The following GOPC variants were observed in gnomAD, a reference collection of about 807,000 sequenced individuals.
GOPC encodes golgi associated PDZ and coiled-coil motif containing.
A neutral mutation model predicts 51.2 loss-of-function variants in GOPC; 32 were observed. That is an observed-to-expected ratio of 0.63 (90% CI 0.47 to 0.84). The LOEUF (loss-of-function observed/expected upper bound fraction) is 0.84. GOPC is among the 40% of genes least tolerant of loss of function. GOPC has a pLI of 0.00. For missense variants in GOPC, 441 were observed against 555.5 expected (o/e 0.79, Z 2.07); for synonymous variants, 190 against 205.1 (o/e 0.93, Z 0.63).
intron 1 of GOPC, among the ~76,000 whole-genome samples, chr6:117,583,889 G>A (rs1671962807): frequency 6.6e-6 from 1 of 152,108 alleles, no homozygotes; most frequent in Admixed American, 6.5e-5. Flanking sequence ...TGATCATCAA[G>A]CTTATTTCAC....
chr6:117,563,213 G>T lies in GOPC; in HGVS notation c.*41C>A. On this transcript the variant is annotated 3_prime_UTR_variant, in exon 9 of 9. Coordinates refer to ENST00000368498, the MANE Select transcript of GOPC (RefSeq NM_020399.4). ...CATCTTCCCCAGTGCCCCAAATTCAGAATAGTCTGATTAACAATCTTGTCT... is the reference window on the plus strand; with the variant it reads ...CATCTTCCCCAGTGCCCCAAATTCATAATAGTCTGATTAACAATCTTGTCT... 3 of 1,588,868 alleles carry T rather than the reference G, an allele frequency of 1.9e-6. No individual in the cohort carries two copies. Among genetic ancestry groups the T allele is most frequent in the Non-Finnish European group, 1.7e-6 (2 of 1,160,112 alleles).
chr6:117,590,433 G>T (rs192719600), intron 1 of GOPC, among the ~76,000 whole-genome samples: 3 of 151,826 alleles, frequency 2.0e-5, no homozygotes, highest in Non-Finnish European at 2.9e-5. Context: ...TTAGCTGGGC[G>T]TGGTGGTATA....
intron 3 of GOPC, among the ~76,000 whole-genome samples, chr6:117,576,614 T>A (rs1242938665): frequency 6.6e-6 from 1 of 152,134 alleles, no homozygotes; most frequent in East Asian, 1.9e-4. Context: ...TTATACTACA[T>A]TAATGAAATG....
At chr6:117,601,963 C>T in intron 1 of GOPC, 41 bp downstream of exon 1, 1 of 1,602,714 alleles carries the variant, frequency 6.2e-7, no homozygotes, top group Non-Finnish European at 8.5e-7. Flanking sequence ...CACCGGGCAG[C>T]CTGGGGTTGG....
intron 6 of GOPC, among the ~76,000 whole-genome samples, chr6:117,570,153 T>C (rs1779779298): frequency 6.6e-6 from 1 of 151,962 alleles, no homozygotes; most frequent in Non-Finnish European, 1.5e-5. Context: ...CTCTAGCTTA[T>C]ATCATTGTTG....
intron 1 of GOPC, among the ~76,000 whole-genome samples, chr6:117,592,890 C>T (rs146889823): frequency 1.3e-5 from 2 of 152,116 alleles, no homozygotes; most frequent in Non-Finnish European, 2.9e-5. Flanking sequence ...ATTCTCCTTC[C>T]TTAGTCTTCA....
At chr6:117,565,923 G>A (rs1460738491) in intron 8 of GOPC, among the ~76,000 whole-genome samples, 2 of 152,128 alleles carry the variant, frequency 1.3e-5, no homozygotes, top group Non-Finnish European at 2.9e-5. Context: ...TGTTCAGTGT[G>A]CAGAGTAAGT....
intron 1 of GOPC, among the ~76,000 whole-genome samples, chr6:117,579,891 A>G (rs766641237): frequency 7.9e-5 from 12 of 152,132 alleles, no homozygotes; most frequent in Non-Finnish European, 1.6e-4. Flanking sequence ...ATCATAATTT[A>G]TGCCCTTGAC....
Position 117,562,876 on chromosome 6 carries a change from T to C in GOPC, c.*378A>G, listed in dbSNP as rs1055761637. 1.3e-5 allele frequency: 3 copies of C among 227,448 alleles called. No homozygotes were observed. Among genetic ancestry groups the C allele is most frequent in the Middle Eastern group, 1.3e-3 (1 of 754 alleles). The allele number at this position is 227,448 out of a possible 1,614,324, so 14.1% of individuals were successfully genotyped here. On this transcript the variant is annotated 3_prime_UTR_variant, in exon 9 of 9. Coordinates refer to ENST00000368498, the MANE Select transcript of GOPC (RefSeq NM_020399.4). Reference sequence around the variant, plus strand: ...ATATAAAATATGAATTCACTTACTCTCTGTATTTTAAAGGGTACTCCTTAT... The same window carrying C: ...ATATAAAATATGAATTCACTTACTCCCTGTATTTTAAAGGGTACTCCTTAT...
At chr6:117,600,000 GA>G (rs987763772) in intron 1 of GOPC, among the ~76,000 whole-genome samples, 3 of 152,146 alleles carry the variant, frequency 2.0e-5, no homozygotes, top group African/African-American at 4.8e-5. Context: ...TAAATGATAT[GA>G]AATTTCTCGT....
Position 117,602,403 on chromosome 6 carries a change from C to T in GOPC, c.-115G>A. The T allele has an allele frequency of 1.0e-6, 1 of 986,668 alleles. No individual in the cohort carries two copies. Among genetic ancestry groups the T allele is most frequent in the Non-Finnish European group, 1.4e-6 (1 of 690,306 alleles). The allele number at this position is 986,668 out of a possible 1,614,324, so 61.1% of individuals were successfully genotyped here. ...CGCGCGGGCACACTCCGTCACCTCC[C>T]TTCACCTCGCGCCGTTAACGCCAGC... On this transcript the variant is annotated 5_prime_UTR_variant, in exon 1 of 9. Transcript: ENST00000368498.
Position 117,569,641 on chromosome 6 carries a change from A to G in GOPC, c.1008T>C (p.Ile336=). 6.2e-7 allele frequency: 1 copy of G among 1,613,298 alleles called. No individual in the cohort carries two copies. Among genetic ancestry groups the G allele is most frequent in the Non-Finnish European group, 8.5e-7 (1 of 1,179,764 alleles). The part of the protein sequence containing the change: ...RCGGLHVGDA[I]LAVNGVNLRD... ...TTAGGTTAACTCCGTTGACTGCCAA[A>G]ATAGCATCCCCAACGTGCAGCCCTC... Residue 336 remains isoleucine (I), a synonymous_variant, in exon 7 of 9, where the codon ATT becomes ATC. Transcript: ENST00000368498.
At chr6:117,584,815 G>C (rs1344947855) in intron 1 of GOPC, among the ~76,000 whole-genome samples, 1 of 151,662 alleles carries the variant, frequency 6.6e-6, no homozygotes. Context: ...CCATCCCCTT[G>C]GTGGTAACTG....
intron 1 of GOPC, among the ~76,000 whole-genome samples, chr6:117,598,965 A>G (rs1394379939): frequency 2.6e-5 from 4 of 152,204 alleles, no homozygotes; most frequent in Non-Finnish European, 5.9e-5. Flanking sequence ...CCCTAATTTC[A>G]TCATTATTAT....
intron 1 of GOPC, among the ~76,000 whole-genome samples, chr6:117,581,582 CATAA>C (rs1779960087): frequency 1.3e-5 from 2 of 152,178 alleles, no homozygotes; most frequent in South Asian, 2.1e-4. Context: ...CTTCTAACAC[CATAA>C]ATAGTTTTGC....
chr6:117,595,817 G>C (rs1780189202), intron 1 of GOPC, among the ~76,000 whole-genome samples: 1 of 152,088 alleles, frequency 6.6e-6, no homozygotes, highest in Non-Finnish European at 1.5e-5. Context: ...GGGTATTTGG[G>C]CTGGTTCCAT....
At chr6:117,583,430 A>G (rs945851074) in intron 1 of GOPC, among the ~76,000 whole-genome samples, 19 of 152,228 alleles carry the variant, frequency 1.2e-4, no homozygotes, top group Non-Finnish European at 5.9e-5. Flanking sequence ...AATGCAGCTC[A>G]TTACGTTAAT....
chr6:117,599,482 C>T (rs958303605), intron 1 of GOPC, among the ~76,000 whole-genome samples: 7 of 152,202 alleles, frequency 4.6e-5, no homozygotes, highest in Non-Finnish European at 8.8e-5. Flanking sequence ...CACAGCAATA[C>T]ACAATTGATT....
chr6:117,578,734 G>T (rs544634300), intron 2 of GOPC, among the ~76,000 whole-genome samples, 166 bp downstream of exon 2: 1 of 152,104 alleles, frequency 6.6e-6, no homozygotes, highest in South Asian at 2.1e-4. Context: ...ATCTATAGGT[G>T]ATGAGATTGT....
Sources: gnomAD v4.1 joint callset for allele counts (sites outside exome capture counted in the v4.1 genomes callset) on GRCh38, gnomAD v4.1.1 for gene constraint, MANE v1.5 for transcripts, NCBI Gene and HGNC (gene_info 2026-07-23, HGNC 2026-07-21) for gene names.